The following COMMD1 variants were observed in gnomAD, a reference collection of about 807,000 sequenced individuals.
COMMD1 encodes copper metabolism domain containing 1.
Under a neutral mutation model 17.2 loss-of-function variants are expected in COMMD1, and 10 were observed. The observed-to-expected ratio is 0.58, with a 90% confidence interval of 0.36 to 0.99. The LOEUF (loss-of-function observed/expected upper bound fraction) is 0.99. COMMD1 is among the 50% of genes least tolerant of loss of function. The probability of loss-of-function intolerance (pLI) is 0.01; values close to 1 mark genes in which losing one functional copy is unlikely to be tolerated. For synonymous variants in COMMD1, 97 were observed against 91.6 expected (o/e 1.06, Z -0.34); for missense variants, 270 against 231.8 (o/e 1.17, Z -1.07).
At chr2:61,895,087 T>C (rs920902180) in intron 1 of COMMD1, among the ~76,000 whole-genome samples, 2 of 152,062 alleles carry the variant, frequency 1.3e-5, no homozygotes, top group Non-Finnish European at 2.9e-5. Flanking sequence ...ATAAATAAAT[T>C]GCAAGAAAAT....
At chr2:62,011,418 C>G (rs570413066) in intron 2 of COMMD1, among the ~76,000 whole-genome samples, 1 of 152,192 alleles carries the variant, frequency 6.6e-6, no homozygotes, top group East Asian at 1.9e-4. Context: ...AGTTGTTTTT[C>G]TTCTTGTTAC....
chr2:62,058,646 A>G (rs10203943), intron 2 of COMMD1, among the ~76,000 whole-genome samples: 20,424 of 152,022 alleles, frequency 0.13, 3,454 homozygotes, highest in African/African-American at 0.39. Flanking sequence ...GGCTGAGGTA[A>G]GAGGATTGCT....
chr2:61,973,082 C>T (rs1014511446), intron 1 of COMMD1, among the ~76,000 whole-genome samples: 2 of 151,980 alleles, frequency 1.3e-5, no homozygotes, highest in Non-Finnish European at 2.9e-5. Context: ...GTGCTTTATC[C>T]ATGCTGATAG....
In COMMD1 at chr2:62,101,617, C is replaced by CTA. The variant is rs1402932409; in HGVS notation, c.463-34213_463-34212insAT. Among the ~76,000 whole-genome samples, 64 of 151,908 alleles carry CTA rather than the reference C, an allele frequency of 4.2e-4. 1 individual carries two copies. The Middle Eastern group carries it at 0.01, about 24-fold the overall frequency. ...AGAACAAGACCCTGTCTCTCTCTCT[C>CTA]TCTATATATATATATATGGTCCCCA... On this transcript the variant is annotated intron_variant, in intron 2 of 2. Transcript: ENST00000311832.
chr2:62,028,374 A>T (rs576082449), intron 2 of COMMD1, among the ~76,000 whole-genome samples: 1 of 152,268 alleles, frequency 6.6e-6, no homozygotes, highest in East Asian at 1.9e-4. Flanking sequence ...AATATTTTGT[A>T]ATAATTTAGC....
At chr2:62,068,519 C>T (rs539754045) in intron 2 of COMMD1, among the ~76,000 whole-genome samples, 1 of 151,720 alleles carries the variant, frequency 6.6e-6, no homozygotes, top group Admixed American at 6.6e-5. Flanking sequence ...AAAATGACTG[C>T]TGAAAGTTAC....
chr2:61,982,459 A>G (rs993617115), intron 1 of COMMD1, among the ~76,000 whole-genome samples: 10 of 152,134 alleles, frequency 6.6e-5, no homozygotes, highest in African/African-American at 2.2e-4. Context: ...TTCCTTTCCA[A>G]TTTGGATGCC....
chr2:62,011,134 T>A (rs191179839), intron 2 of COMMD1, among the ~76,000 whole-genome samples: 1 of 152,248 alleles, frequency 6.6e-6, no homozygotes, highest in South Asian at 2.1e-4. Flanking sequence ...TTGTTTTTTT[T>A]AATCACCTTC....
chr2:61,979,905 G>C (rs1436432707), intron 1 of COMMD1, among the ~76,000 whole-genome samples: 1 of 112,424 alleles, frequency 8.9e-6, no homozygotes, highest in Admixed American at 9.3e-5. Flanking sequence ...CCCCTCCCCC[G>C]ACCCCACCAC....
chr2:62,115,856 CTTTCTT>C (rs1164761591), intron 2 of COMMD1, among the ~76,000 whole-genome samples: 2 of 50,332 alleles, frequency 4.0e-5, no homozygotes, highest in Non-Finnish European at 7.5e-5. Context: ...TTCTTTCTTT[CTTTCTT>C]TTTTTTTTTT....
At chr2:61,989,543 A>T (rs1439467761) in intron 1 of COMMD1, among the ~76,000 whole-genome samples, 1 of 151,314 alleles carries the variant, frequency 6.6e-6, no homozygotes, top group Non-Finnish European at 1.5e-5. Context: ...GCTCACTGCA[A>T]CCTCCACCTC....
intron 2 of COMMD1, among the ~76,000 whole-genome samples, chr2:62,020,807 C>G (rs1387208019): frequency 2.0e-5 from 3 of 152,132 alleles, no homozygotes; most frequent in Non-Finnish European, 4.4e-5. Flanking sequence ...CGAGACCAGC[C>G]TGACCAACAT....
chr2:61,992,843 A>G (rs989435408), intron 1 of COMMD1, among the ~76,000 whole-genome samples: 1 of 152,336 alleles, frequency 6.6e-6, no homozygotes, highest in Middle Eastern at 3.4e-3. Flanking sequence ...TAATACATGC[A>G]TAATATAGTT....
At chr2:62,115,496 TAA>T (rs1393307537) in intron 2 of COMMD1, among the ~76,000 whole-genome samples, 1 of 152,178 alleles carries the variant, frequency 6.6e-6, no homozygotes, top group East Asian at 1.9e-4. Context: ...ATAGTGTGAG[TAA>T]AAGATAAAAG....
At chr2:62,135,757 T>C in intron 2 of COMMD1, 74 bp from the exon 3 acceptor site, 1 of 799,392 alleles carries the variant, frequency 1.3e-6, no homozygotes, top group South Asian at 1.3e-5. Context: ...CCCTGGGTAT[T>C]TTGAGTTTGG....
chr2:61,947,218 T>C (rs762443434), intron 1 of COMMD1, among the ~76,000 whole-genome samples: 3 of 152,186 alleles, frequency 2.0e-5, no homozygotes, highest in Non-Finnish European at 2.9e-5. Context: ...TTTAAACTTA[T>C]GTTTAGTAAC....
At chr2:61,964,323 C>G (rs923905347) in intron 1 of COMMD1, among the ~76,000 whole-genome samples, 1 of 152,070 alleles carries the variant, frequency 6.6e-6, no homozygotes, top group Non-Finnish European at 1.5e-5. Flanking sequence ...TGGGCTCTAG[C>G]AGTCCTCCCA....
chr2:61,954,037 G>A (rs902291120), intron 1 of COMMD1, among the ~76,000 whole-genome samples: 1 of 152,000 alleles, frequency 6.6e-6, no homozygotes, highest in African/African-American at 2.4e-5. Flanking sequence ...GGCCAACATC[G>A]TGAAACCCCA....
At chr2:62,103,997 C>T (rs1383644206) in intron 2 of COMMD1, among the ~76,000 whole-genome samples, 2 of 152,056 alleles carry the variant, frequency 1.3e-5, no homozygotes, top group African/African-American at 4.8e-5. Context: ...CATGCCACCA[C>T]ACTCGGCTAA....
Sources: allele counts gnomAD v4.1 joint callset (sites outside exome capture counted in the v4.1 genomes callset), GRCh38; gene constraint gnomAD v4.1.1; transcripts MANE v1.5; gene names NCBI Gene and HGNC (gene_info 2026-07-23, HGNC 2026-07-21).